Variants in SMC6 observed in about 807,000 individuals in gnomAD.
SMC6 encodes the protein structural maintenance of chromosomes 6.
Under a neutral mutation model 142.2 loss-of-function variants are expected in SMC6, and 79 were observed. The ratio of observed to expected loss-of-function variants is 0.56; its 90% CI spans 0.46 to 0.67. The LOEUF is 0.67. Among genes scored for constraint, SMC6 ranks in the 30% least tolerant of loss-of-function variants. The pLI is 0.00. For missense variants in SMC6, 1,072 were observed against 1,284.0 expected (o/e 0.83, Z 2.52); for synonymous variants, 411 against 412.4 (o/e 1.00, Z 0.04).
In SMC6 at chr2:17,664,551, C is replaced by A. The variant is rs570631279; in HGVS notation, c.*948G>T. Reference sequence around the variant, plus strand: ...AGTATCAAACAAATAATACAGGGAGCAATAAAATTCATGTTTTCTAAAATA... The same window carrying A: ...AGTATCAAACAAATAATACAGGGAGAAATAAAATTCATGTTTTCTAAAATA... On this transcript the variant is annotated 3_prime_UTR_variant, in exon 28 of 28. Transcript: ENST00000448223. The A allele has an allele frequency of 5.9e-5, 9 of 152,184 alleles. No homozygotes were observed. The East Asian group carries it at 1.7e-3, about 29-fold the overall frequency. The allele number at this position is 152,184 out of a possible 1,614,324, so 9.4% of individuals were successfully genotyped here.
At chr2:17,745,239 T>C (rs1031870804) in intron 3 of SMC6, among the ~76,000 whole-genome samples, 1 of 151,952 alleles carries the variant, frequency 6.6e-6, no homozygotes, top group Non-Finnish European at 1.5e-5. Context: ...AGTGTTCTCT[T>C]ATGATTTTTG....
At chr2:17,679,686 G>A (rs1174368064) in intron 24 of SMC6, 1 of 152,144 alleles carries the variant, frequency 6.6e-6, no homozygotes, top group Non-Finnish European at 1.5e-5. Flanking sequence ...TTTTTCCAAT[G>A]GGCACCCCTT....
chr2:17,674,933 C>G (rs774695961), intron 25 of SMC6, among the ~76,000 whole-genome samples: 4 of 152,064 alleles, frequency 2.6e-5, no homozygotes, highest in Non-Finnish European at 4.4e-5. Flanking sequence ...TTTTGATAAA[C>G]AGCATACAGT....
intron 22 of SMC6, among the ~76,000 whole-genome samples, chr2:17,695,648 A>C (rs1378825722): frequency 1.3e-5 from 2 of 152,202 alleles, no homozygotes; most frequent in Non-Finnish European, 2.9e-5. Flanking sequence ...TCTGAGCACC[A>C]ATGGTATTAA....
At chr2:17,722,619 C>A (rs748374563) in intron 9 of SMC6, among the ~76,000 whole-genome samples, 2 of 152,162 alleles carry the variant, frequency 1.3e-5, no homozygotes, top group Non-Finnish European at 2.9e-5. Flanking sequence ...CTGAAACCCA[C>A]CTTGCCATAG....
In SMC6 at chr2:17,714,941, T is replaced by C. The variant is rs145642076; in HGVS notation, c.1650A>G (p.Lys550=). Residue 550 remains lysine (K), a synonymous_variant, in exon 16 of 28, where the codon AAA becomes AAG. Coordinates refer to ENST00000448223, the MANE Select transcript of SMC6 (RefSeq NM_001142286.2). The part of the protein sequence containing the change: ...ADERVLQALM[K]RFYLPGTSRP... ...GTGAGGTCCCTGGTAAATAAAACCT[T>C]TTCATGAGTGCCTGAAGGACCCTTT... 8 of 1,613,852 alleles carry C rather than the reference T, an allele frequency of 5.0e-6. No individual in the cohort carries two copies. The highest frequency in any genetic ancestry group is 6.8e-6 in the Non-Finnish European group (8 of 1,179,952).
At chr2:17,730,580 G>A (rs7578070) in intron 7 of SMC6, among the ~76,000 whole-genome samples, 115,445 of 150,978 alleles carry the variant, frequency 0.76, 45,991 homozygotes, top group Middle Eastern at 0.91. Flanking sequence ...TGTATTGACA[G>A]TCCTGTGTTG....
chr2:17,716,128 A>C lies in SMC6; in HGVS notation c.1483T>G (p.Tyr495Asp). The C allele has an allele frequency of 1.2e-6, 2 of 1,606,978 alleles. No individual in the cohort carries two copies. The highest frequency in any genetic ancestry group is 1.7e-6 in the Non-Finnish European group (2 of 1,178,256). The change falls in exon 15 of 28, where the codon TAT becomes GAT. Residue 495 changes from tyrosine (Y) to aspartate (D), a missense_variant. This residue lies in a region of SMC6 where 994 missense variants were observed against 1,153.2 expected (regional missense o/e 0.86). Transcript: ENST00000448223. ...PALLEAIDDA[Y>D]RQGHFTYKPV... Reference sequence around the variant, plus strand: ...TTATAGGTAAAATGTCCTTGTCTATAAGCATCATCTATGGCTTCAAGAAGA... The same window carrying C: ...TTATAGGTAAAATGTCCTTGTCTATCAGCATCATCTATGGCTTCAAGAAGA...
intron 23 of SMC6, among the ~76,000 whole-genome samples, chr2:17,685,816 C>CA (rs1394265403): frequency 6.6e-6 from 1 of 151,456 alleles, no homozygotes; most frequent in Non-Finnish European, 1.5e-5. Flanking sequence ...CTTTTCATGG[C>CA]AAAAAATATA....
At chr2:17,697,545 TAA>T (rs1668063424) in intron 21 of SMC6, among the ~76,000 whole-genome samples, 1 of 152,096 alleles carries the variant, frequency 6.6e-6, no homozygotes, top group South Asian at 2.1e-4. Flanking sequence ...GGCAAAGATT[TAA>T]AAAGACATTT....
intron 21 of SMC6, among the ~76,000 whole-genome samples, chr2:17,697,805 G>A (rs7569749): frequency 0.28 from 41,993 of 151,976 alleles, 6,357 homozygotes; most frequent in Non-Finnish European, 0.33. Flanking sequence ...AAAATGAAGT[G>A]TAAGCACATA....
rs1313886881 is a variant in SMC6 at position 17,675,410 on chromosome 2, T to C, written c.2910+3449A>G. ...GTTGATTTAGACGGCTGAAACTGTTTTGTATTTACCCATAGATTTACCTTT... is the reference window on the plus strand; with the variant it reads ...GTTGATTTAGACGGCTGAAACTGTTCTGTATTTACCCATAGATTTACCTTT... On this transcript the variant is annotated intron_variant, in intron 25 of 27. Coordinates refer to ENST00000448223, the MANE Select transcript of SMC6 (RefSeq NM_001142286.2). Among the ~76,000 whole-genome samples the C allele has an allele frequency of 4.6e-5, 7 of 152,218 alleles. No homozygotes were observed. The South Asian group carries it at 6.2e-4, about 14-fold the overall frequency.
At chr2:17,701,754 C>A in intron 20 of SMC6, 75 bp downstream of exon 20, 1 of 860,446 alleles carries the variant, frequency 1.2e-6, no homozygotes, top group Non-Finnish European at 1.8e-6. Flanking sequence ...TCTAAAAAAG[C>A]TGAGTTGATG....
chr2:17,748,378 C>T (rs1010683277), intron 2 of SMC6, among the ~76,000 whole-genome samples: 1 of 152,120 alleles, frequency 6.6e-6, no homozygotes, highest in African/African-American at 2.4e-5. Flanking sequence ...CAATGAAGAA[C>T]CTTATATATT....
At chr2:17,698,301 G>C (rs1163117726) in intron 21 of SMC6, among the ~76,000 whole-genome samples, 5 of 152,074 alleles carry the variant, frequency 3.3e-5, no homozygotes, top group African/African-American at 1.2e-4. Flanking sequence ...ATAATGATTA[G>C]ATCCTGTTGA....
At chr2:17,666,228 G>A (rs1051162260) in intron 27 of SMC6, among the ~76,000 whole-genome samples, 192 bp downstream of exon 27, 6 of 152,216 alleles carry the variant, frequency 3.9e-5, no homozygotes, top group Non-Finnish European at 7.4e-5. Flanking sequence ...GTTATGAAAG[G>A]GAAGTAATAC....
intron 25 of SMC6, among the ~76,000 whole-genome samples, chr2:17,677,498 C>G (rs1373381425): frequency 1.3e-5 from 2 of 152,180 alleles, no homozygotes; most frequent in Non-Finnish European, 2.9e-5. Context: ...TCAGCAAACA[C>G]TCCCAGGAAA....
chr2:17,717,310 T>C (rs1271591643), intron 12 of SMC6, 134 bp from the exon 13 acceptor site: 1 of 556,492 alleles, frequency 1.8e-6, no homozygotes, highest in East Asian at 3.2e-5. Context: ...AATGGCCATT[T>C]GAAACCATTA....
chr2:17,677,801 A>G (rs568154656), intron 25 of SMC6, among the ~76,000 whole-genome samples: 1 of 152,322 alleles, frequency 6.6e-6, no homozygotes, highest in African/African-American at 2.4e-5. Context: ...ATCTACCAGT[A>G]GAAATTAAAG....
Sources: gnomAD v4.1 joint callset for allele counts (sites outside exome capture counted in the v4.1 genomes callset) on GRCh38, gnomAD v4.1.1 for gene constraint, gnomAD v4.1.1 regional missense constraint, MANE v1.5 for transcripts, NCBI Gene and HGNC (gene_info 2026-07-23, HGNC 2026-07-21) for gene names.